Variants in PCNX2 observed in about 807,000 individuals in gnomAD.
PCNX2 encodes pecanex 2, also known as pecanex-like protein 2.
Under a neutral mutation model 223.8 loss-of-function variants are expected in PCNX2, and 168 were observed. The observed-to-expected ratio is 0.75, with a 90% CI of 0.66 to 0.85. The LOEUF (loss-of-function observed/expected upper bound fraction) is 0.85, where lower values mean the gene tolerates loss of function less well. Ranked by LOEUF, PCNX2 falls within the 40% of genes least tolerant of loss-of-function variation. PCNX2 has a pLI of 0.00. For synonymous variants in PCNX2, 1,006 were observed against 1,052.6 expected, an observed-to-expected ratio of 0.96 and a Z score of 0.86; for missense variants, 2,507 against 2,675.5, an observed-to-expected ratio of 0.94 and a Z score of 1.39.
At chr1:233,296,576 T>C (rs1220399699), upstream of PCNX2, among the ~76,000 whole-genome samples, 1 of 152,220 alleles carries the variant, frequency 6.6e-6, no homozygotes, top group Admixed American at 6.5e-5. Flanking sequence ...GAGAGTGGGT[T>C]TTGGAAAGGG....
At position 233,147,305 on chromosome 1, in the gene PCNX2, G is replaced by T. The variant is rs1048631200; in HGVS notation, c.3518-7450C>A. 5.9e-5 allele frequency among the ~76,000 whole-genome samples: 9 copies of T among 152,306 alleles called. No homozygotes were observed. The South Asian group carries it at 1.9e-3, about 32-fold the overall frequency. On this transcript the variant is annotated intron_variant, in intron 19 of 33. Transcript: ENST00000258229. ...TTAACACATATTTTATCTGTTATAT[G>T]TATTATATACTGTATTCTTATAATA...
At chr1:233,299,804 T>C (rs1267974796), upstream of PCNX2, among the ~76,000 whole-genome samples, 1 of 152,218 alleles carries the variant, frequency 6.6e-6, no homozygotes, top group African/African-American at 2.4e-5. Flanking sequence ...CAGGGAAGCC[T>C]GGAAAATGTA....
rs575982976 is a variant in PCNX2, at chr1:233,054,813, C to T, written c.4136-330G>A. 1.9e-5 allele frequency: 3 copies of T among 160,106 alleles called. No homozygotes were observed. In the South Asian group the frequency reaches 5.6e-4, roughly 30 times the overall value. The allele number at this position is 160,106 out of a possible 1,614,324, so 9.9% of individuals were successfully genotyped here. On this transcript the variant is annotated intron_variant, in intron 24 of 33. Transcript: ENST00000258229. The stretch of plus-strand genomic sequence containing the variant: ...ATTATATAACATATAAGTTATTATA[C>T]TATATATAAATGGATACCATTTGTT...
chr1:233,273,243 G>A (rs1660740055), intron 1 of PCNX2, among the ~76,000 whole-genome samples: 1 of 151,546 alleles, frequency 6.6e-6, no homozygotes, highest in East Asian at 1.9e-4. Context: ...TAAAGGAACA[G>A]TGAGATGAAA....
rs903542774 is a variant in PCNX2 at position 233,032,978 on chromosome 1, T to C, written c.4352-7579A>G. The C allele has an allele frequency of 5.1e-6, 5 of 985,092 alleles. No homozygotes were observed. The African/African-American group carries it at 5.2e-5, about 10-fold the overall frequency. The allele number at this position is 985,092 out of a possible 1,614,324, so 61.0% of individuals were successfully genotyped here. A position where few individuals can be genotyped will look rare whatever the true frequency, so the allele number is the denominator to read the frequency against. On this transcript the variant is annotated intron_variant, in intron 25 of 33. Transcript: ENST00000258229. Reference sequence around the variant, plus strand: ...TTTGGAAAATGCACTAATTGCGTTGTCCAAATGTAAATCAAGGCCCATATT... The same window carrying C: ...TTTGGAAAATGCACTAATTGCGTTGCCCAAATGTAAATCAAGGCCCATATT...
chr1:233,307,490 C>T, the PCNX2 span, among the ~76,000 whole-genome samples: 6 of 152,186 alleles, frequency 3.9e-5, no homozygotes, highest in Non-Finnish European at 5.9e-5. Context: ...GATGCTAGCT[C>T]CATGCCCCTT....
intron 1 of PCNX2, among the ~76,000 whole-genome samples, chr1:233,282,084 C>T (rs370670344): frequency 3.3e-5 from 5 of 152,238 alleles, no homozygotes; most frequent in African/African-American, 1.2e-4. Flanking sequence ...CCCCAACACA[C>T]CACTGAAAGT....
chr1:233,143,300 A>G (rs987027605), intron 19 of PCNX2, among the ~76,000 whole-genome samples: 5 of 152,218 alleles, frequency 3.3e-5, no homozygotes, highest in Non-Finnish European at 7.3e-5. Flanking sequence ...GCTGAAAAAC[A>G]CTGTCCTAAA....
chr1:232,995,582 AGGGG>A (rs1440119824), intron 32 of PCNX2, among the ~76,000 whole-genome samples: 2 of 152,094 alleles, frequency 1.3e-5, no homozygotes, highest in Non-Finnish European at 2.9e-5. Flanking sequence ...TGGGGGGTGA[AGGGG>A]GGAAACCCAT....
intron 17 of PCNX2, among the ~76,000 whole-genome samples, chr1:233,168,063 A>G (rs562224223): frequency 1.3e-4 from 20 of 152,264 alleles, no homozygotes; most frequent in African/African-American, 4.8e-4. Flanking sequence ...TCCTTTTAAT[A>G]AATGTCCTAT....
chr1:233,062,474 A>C (rs971321339), intron 23 of PCNX2, among the ~76,000 whole-genome samples: 2 of 152,184 alleles, frequency 1.3e-5, no homozygotes, highest in African/African-American at 4.8e-5. Context: ...TACGTGACTT[A>C]ATGCATTGAT....
intron 25 of PCNX2, among the ~76,000 whole-genome samples, chr1:233,037,526 T>C (rs1480010033): frequency 8.6e-6 from 1 of 116,408 alleles, no homozygotes; most frequent in African/African-American, 3.5e-5. Flanking sequence ...TTCTTTCTTT[T>C]TTAGAGATGG....
Position 233,001,115 on chromosome 1 carries a change from C to T in PCNX2, c.5097+422G>A, listed in dbSNP as rs376054378. On this transcript the variant is annotated intron_variant, in intron 29 of 33. Transcript: ENST00000258229. This position sits in a 1 kb window ranked among gnomAD's most constrained non-coding sequence, Gnocchi z 4.2. Reference sequence around the variant, plus strand: ...GTGGCGCAATCATAGATCACTGCAGCCTGAAACTCCCGGGCTCAAGCTATC... The same window carrying T: ...GTGGCGCAATCATAGATCACTGCAGTCTGAAACTCCCGGGCTCAAGCTATC... Among the ~76,000 whole-genome samples, 130 of 152,196 alleles carry T rather than the reference C, an allele frequency of 8.5e-4. No individual in the cohort carries two copies. Among genetic ancestry groups the T allele is most frequent in the Admixed American group, 2.0e-3 (30 of 15,290 alleles).
At chr1:233,281,269 AAC>A (rs1193433121) in intron 1 of PCNX2, among the ~76,000 whole-genome samples, 1 of 152,216 alleles carries the variant, frequency 6.6e-6, no homozygotes, top group Non-Finnish European at 1.5e-5. Flanking sequence ...AAACAGAAAT[AAC>A]AAAAGACAAG....
chr1:233,182,803 A>C (rs1445874070), intron 15 of PCNX2, among the ~76,000 whole-genome samples: 2 of 152,004 alleles, frequency 1.3e-5, no homozygotes, highest in African/African-American at 2.4e-5. Flanking sequence ...TATAAGTTCC[A>C]CCTGCTCAGT....
chr1:233,054,585 CTCTT>C, intron 24 of PCNX2, 102 bp from the exon 25 acceptor site: 1 of 886,992 alleles, frequency 1.1e-6, no homozygotes, highest in Non-Finnish European at 1.7e-6. Context: ...TAAAATCAGA[CTCTT>C]TATATACATA....
intron 1 of PCNX2, among the ~76,000 whole-genome samples, chr1:233,294,323 T>C (rs1200610778): frequency 5.3e-5 from 8 of 152,184 alleles, no homozygotes; most frequent in Admixed American, 5.2e-4. Context: ...ATATGGTAAA[T>C]AACCTCCCCA....
chr1:233,089,441 G>A (rs1346943250), intron 23 of PCNX2, among the ~76,000 whole-genome samples: 2 of 152,070 alleles, frequency 1.3e-5, no homozygotes, highest in Non-Finnish European at 2.9e-5. Context: ...AGGTCTTTAC[G>A]GTTATTTGGT....
At chr1:233,226,634 C>T (rs143381496) in intron 10 of PCNX2, among the ~76,000 whole-genome samples, 1 of 152,296 alleles carries the variant, frequency 6.6e-6, no homozygotes, top group Non-Finnish European at 1.5e-5. Context: ...ACCACAGCTC[C>T]AACCCCACAA....
Sources: gnomAD v4.1 joint callset for allele counts (sites outside exome capture counted in the v4.1 genomes callset) on GRCh38, gnomAD v4.1.1 for gene constraint, Gnocchi (gnomAD v3.1) non-coding constraint, MANE v1.5 for transcripts, NCBI Gene and HGNC (gene_info 2026-07-23, HGNC 2026-07-21) for gene names.